Variants in SPATA7 observed in about 807,000 individuals in gnomAD.
SPATA7 encodes spermatogenesis associated 7.
Under a neutral mutation model 51.8 loss-of-function variants are expected in SPATA7, and 43 were observed. That is an observed-to-expected ratio of 0.83 (90% CI 0.65 to 1.07). The LOEUF (loss-of-function observed/expected upper bound fraction) is 1.07, where lower values mean the gene tolerates loss of function less well. Among genes scored for constraint, SPATA7 ranks in the 50% least tolerant of loss-of-function variants. The pLI is 0.00. For synonymous variants in SPATA7, 230 were observed against 252.8 expected (o/e 0.91, Z 0.86); for missense variants, 683 against 701.3 (o/e 0.97, Z 0.30).
In SPATA7 at chr14:88,460,812, GCTCT is replaced by G. The variant is rs540216629; in HGVS notation, c.255-9032_255-9029del. Among the ~76,000 whole-genome samples the G allele has an allele frequency of 1.6e-3, 242 of 152,266 alleles. 1 individual carries two copies. The highest frequency in any genetic ancestry group is 5.6e-3 in the African/African-American group (233 of 41,556). On this transcript the variant is annotated intron_variant, in intron 4 of 4. Transcript: ENST00000556406. ...GATTTTTAGAATTTTCAGCTTTTCT[GCTCT>G]CTTTTTTCCCCATCTTTGTGGTTTT... is the stretch of plus-strand genomic sequence containing the variant.
At chr14:88,390,796 G>C (rs1003167201) in intron 1 of SPATA7, among the ~76,000 whole-genome samples, 1 of 152,132 alleles carries the variant, frequency 6.6e-6, no homozygotes, top group African/African-American at 2.4e-5. Context: ...TTTTTCTTAT[G>C]TTTAGGTCTT....
chr14:88,462,965 A>G (rs971909735), intron 4 of SPATA7, among the ~76,000 whole-genome samples: 2 of 152,208 alleles, frequency 1.3e-5, no homozygotes, highest in African/African-American at 4.8e-5. Context: ...AAATGTTGGA[A>G]GGTGTTTAGA....
intron 5 of SPATA7, among the ~76,000 whole-genome samples, chr14:88,422,709 T>C (rs2076680145): frequency 2.0e-5 from 3 of 151,344 alleles, no homozygotes; most frequent in African/African-American, 7.3e-5. Flanking sequence ...TTTGCCTCCA[T>C]AAAGTTGTTA....
At chr14:88,450,003 T>G (rs1440800357) in intron 3 of SPATA7, among the ~76,000 whole-genome samples, 2 of 152,146 alleles carry the variant, frequency 1.3e-5, no homozygotes, top group Non-Finnish European at 2.9e-5. Context: ...TCTTGCTGCT[T>G]GTTATTGGCC....
At chr14:88,443,241 C>T (rs915488251), downstream of SPATA7, among the ~76,000 whole-genome samples, 32 of 152,136 alleles carry the variant, frequency 2.1e-4, no homozygotes, top group African/African-American at 7.7e-4. Flanking sequence ...CTGTGCCCAG[C>T]CTATTTTTGT....
intron 2 of SPATA7, among the ~76,000 whole-genome samples, chr14:88,393,192 G>A (rs779912472): frequency 1.8e-4 from 28 of 152,020 alleles, no homozygotes; most frequent in Non-Finnish European, 3.5e-4. Context: ...TTTATTCTCA[G>A]GAAGGTTTGA....
At chr14:88,421,248 G>A (rs2139978294) in intron 5 of SPATA7, among the ~76,000 whole-genome samples, 1 of 152,234 alleles carries the variant, frequency 6.6e-6, no homozygotes, top group Non-Finnish European at 1.5e-5. Flanking sequence ...CAGTGCCAGG[G>A]TTCAGGATGG....
chr14:88,459,940 T>C (rs1376688887), downstream of SPATA7, among the ~76,000 whole-genome samples: 1 of 152,224 alleles, frequency 6.6e-6, no homozygotes, highest in Admixed American at 6.5e-5. Context: ...CATTTGCTTG[T>C]CTGTAAAGGA....
intron 9 of SPATA7, among the ~76,000 whole-genome samples, chr14:88,432,425 T>G (rs1282231468): frequency 6.6e-6 from 1 of 152,192 alleles, no homozygotes; most frequent in Non-Finnish European, 1.5e-5. Context: ...TTGGTATTAA[T>G]TCACTAATTT....
intron 3 of SPATA7, among the ~76,000 whole-genome samples, chr14:88,445,847 T>A (rs888631612): frequency 3.9e-5 from 6 of 152,144 alleles, no homozygotes; most frequent in African/African-American, 1.4e-4. Flanking sequence ...CACTTGATCA[T>A]GGTGGATAAG....
In SPATA7 at chr14:88,414,192, C is replaced by G. The variant is rs553009796; in HGVS notation, c.239-2519C>G. Among the ~76,000 whole-genome samples, 24 of 152,052 alleles carry G rather than the reference C, an allele frequency of 1.6e-4. No individual in the cohort carries two copies. The South Asian group carries it at 4.8e-3, about 30-fold the overall frequency. ...GGCTGTGAATCTCTCTGGTCCAGGGCTTTTTATGGTTGGTAGGTTTTTTTT... is the reference window on the plus strand; with the variant it reads ...GGCTGTGAATCTCTCTGGTCCAGGGGTTTTTATGGTTGGTAGGTTTTTTTT... On this transcript the variant is annotated intron_variant, in intron 4 of 11. Transcript: ENST00000393545.
chr14:88,400,966 T>C (rs750704817), intron 4 of SPATA7, among the ~76,000 whole-genome samples: 10 of 152,132 alleles, frequency 6.6e-5, no homozygotes, highest in Non-Finnish European at 1.5e-4. Context: ...TTTATAAAAA[T>C]AGAAGTGGGA....
chr14:88,469,673 C>T lies in SPATA7; in HGVS notation c.255-174C>T. ...GTGATCTTAAACCTTCCATAGGTGACAGTGTTGTGCCTGGAACCAAGTCGT... is the reference window on the plus strand; with the variant it reads ...GTGATCTTAAACCTTCCATAGGTGATAGTGTTGTGCCTGGAACCAAGTCGT... On this transcript the variant is annotated intron_variant, in intron 4 of 4. Coordinates refer to the SPATA7 transcript ENST00000556406. The surrounding 1 kb of genome is among the most constrained non-coding windows in gnomAD (Gnocchi z 4.3). The T allele has an allele frequency of 6.2e-7, 1 of 1,614,164 alleles. No homozygotes were observed. Among genetic ancestry groups the T allele is most frequent in the Non-Finnish European group, 8.5e-7 (1 of 1,180,028 alleles).
rs1165421560 is a variant in SPATA7, at chr14:88,393,325, A to C, written c.95-68A>C. ...TTTTATAAGAATGAGTTAAATAATC[A>C]GTGCCTTGTTTATCTCATGATTTTT... On this transcript the variant is annotated intron_variant, in intron 2 of 11. Coordinates refer to ENST00000393545, the MANE Select transcript of SPATA7 (RefSeq NM_018418.5). 3 of 1,027,458 alleles carry C rather than the reference A, an allele frequency of 2.9e-6. No homozygotes were observed. The African/African-American group carries it at 4.8e-5, about 17-fold the overall frequency. 63.6% of individuals were successfully genotyped at this position (1,027,458 alleles called of 1,614,324 possible). A position where few individuals can be genotyped will look rare whatever the true frequency, so the allele number is the denominator to read the frequency against.
chr14:88,456,785 A>G (rs2077286792), downstream of SPATA7, among the ~76,000 whole-genome samples: 1 of 152,216 alleles, frequency 6.6e-6, no homozygotes, highest in Admixed American at 6.5e-5. Context: ...TGTTTTAGAC[A>G]TGAAGTCCTT....
At chr14:88,421,565 G>A (rs1336988555) in intron 5 of SPATA7, among the ~76,000 whole-genome samples, 2 of 152,170 alleles carry the variant, frequency 1.3e-5, no homozygotes, top group African/African-American at 2.4e-5. Context: ...GGACAGTTAC[G>A]AGACAGTTGC....
intron 4 of SPATA7, among the ~76,000 whole-genome samples, chr14:88,401,573 C>G (rs545092144): frequency 7.9e-5 from 12 of 152,132 alleles, no homozygotes; most frequent in African/African-American, 2.9e-4. Flanking sequence ...TGGTGGTTCA[C>G]TCCTGTAATT....
chr14:88,391,137 C>T lies in SPATA7; in HGVS notation c.20-244C>T, dbSNP rs145459851. On this transcript the variant is annotated intron_variant, in intron 1 of 11. Transcript: ENST00000393545. ...ACAGCCCACCTGATAGCAAACTAGC[C>T]ATCTTACCCTCTTAAAACATCTCTG... Among the ~76,000 whole-genome samples the T allele has an allele frequency of 7.1e-3, 1,078 of 152,238 alleles. 33 individuals are homozygous for T. The highest frequency in any genetic ancestry group is 0.062 in the Admixed American group (942 of 15,286).
intron 4 of SPATA7, among the ~76,000 whole-genome samples, chr14:88,464,948 G>A (rs557879681): frequency 5.9e-5 from 9 of 152,140 alleles, no homozygotes; most frequent in African/African-American, 1.9e-4. Flanking sequence ...AGCTGGCCAC[G>A]TCATGCTGTC....
Sources: gnomAD v4.1 joint callset for allele counts (sites outside exome capture counted in the v4.1 genomes callset) on GRCh38, gnomAD v4.1.1 for gene constraint, Gnocchi (gnomAD v3.1) non-coding constraint, MANE v1.5 for transcripts, NCBI Gene and HGNC (gene_info 2026-07-23, HGNC 2026-07-21) for gene names.